Variants in PPP2R2B observed in about 807,000 individuals in gnomAD.
PPP2R2B encodes protein phosphatase 2 regulatory subunit Bbeta.
Under a neutral mutation model 46.0 loss-of-function variants are expected in PPP2R2B, and 5 were observed. The ratio of observed to expected loss-of-function variants is 0.11; its 90% CI spans 0.06 to 0.23. PPP2R2B has a LOEUF of 0.23. PPP2R2B is among the 10% of genes least tolerant of loss of function. The pLI, the probability that PPP2R2B is intolerant of heterozygous loss-of-function variation, is 1.00. For missense variants in PPP2R2B, 367 were observed against 575.0 expected, an observed-to-expected ratio of 0.64 and a Z score of 3.70; for synonymous variants, 215 against 206.7, an observed-to-expected ratio of 1.04 and a Z score of -0.34.
At chr5:146,915,549 A>C (rs1341901619) in intron 1 of PPP2R2B, among the ~76,000 whole-genome samples, 1 of 152,120 alleles carries the variant, frequency 6.6e-6, no homozygotes, top group Non-Finnish European at 1.5e-5. Context: ...GTGAAATTTT[A>C]GCACTCCAGG....
In PPP2R2B at chr5:146,589,833, T is replaced by C; in HGVS notation, c.*114A>G. 1 of 1,114,770 alleles carries C rather than the reference T, an allele frequency of 9.0e-7. No homozygotes were observed. Among genetic ancestry groups the C allele is most frequent in the Non-Finnish European group, 1.3e-6 (1 of 775,164 alleles). 69.1% of individuals were successfully genotyped at this position (1,114,770 alleles called of 1,614,324 possible). A position where few individuals can be genotyped will look rare whatever the true frequency, so the allele number is the denominator to read the frequency against. On this transcript the variant is annotated 3_prime_UTR_variant, in exon 10 of 10. Transcript: ENST00000394411. ...ACTCCTTTTAATTCTATTCCAATCA[T>C]TTCCTGTATAGGGAAATTAAAGTCA... is the stretch of plus-strand genomic sequence containing the variant.
At chr5:146,634,850 A>C (rs1297484533) in intron 7 of PPP2R2B, among the ~76,000 whole-genome samples, 1 of 152,144 alleles carries the variant, frequency 6.6e-6, no homozygotes, top group African/African-American at 2.4e-5. Context: ...GGAGGAAACC[A>C]GGTCTGTTTT....
chr5:146,748,788 C>T (rs1486936990), intron 2 of PPP2R2B, among the ~76,000 whole-genome samples: 2 of 152,182 alleles, frequency 1.3e-5, no homozygotes, highest in Non-Finnish European at 2.9e-5. Flanking sequence ...CATCTAAGAA[C>T]ATCTGGGTTG....
At chr5:146,711,238 T>G (rs1780199570) in intron 2 of PPP2R2B, among the ~76,000 whole-genome samples, 2 of 152,104 alleles carry the variant, frequency 1.3e-5, no homozygotes, top group Admixed American at 6.6e-5. Context: ...TCAATCTTTT[T>G]TTTTCTATGC....
intron 7 of PPP2R2B, among the ~76,000 whole-genome samples, chr5:146,608,690 G>T (rs2151032230): frequency 6.6e-6 from 1 of 152,172 alleles, no homozygotes; most frequent in Non-Finnish European, 1.5e-5. Context: ...AGCTACCTGG[G>T]AGAAGAATCG....
chr5:146,812,376 T>C (rs1757603391), intron 2 of PPP2R2B, among the ~76,000 whole-genome samples: 1 of 146,640 alleles, frequency 6.8e-6, no homozygotes, highest in Non-Finnish European at 1.5e-5. Flanking sequence ...TATCTGTTTG[T>C]TTATGTTTGG....
At chr5:146,637,173 C>T (rs187700191) in intron 7 of PPP2R2B, among the ~76,000 whole-genome samples, 68 of 152,224 alleles carry the variant, frequency 4.5e-4, no homozygotes, top group Middle Eastern at 3.4e-3. Context: ...TCCATTGTAC[C>T]CCTCAGAGTT....
intron 1 of PPP2R2B, among the ~76,000 whole-genome samples, chr5:146,911,054 T>C (rs1763159889): frequency 6.6e-6 from 1 of 151,402 alleles, no homozygotes; most frequent in East Asian, 1.9e-4. Context: ...ATCATTTCCT[T>C]AGGGCCCAGA....
intron 1 of PPP2R2B, among the ~76,000 whole-genome samples, chr5:146,913,552 G>GTTT (rs547643494): frequency 6.7e-6 from 1 of 149,388 alleles, no homozygotes; most frequent in Admixed American, 6.7e-5. Context: ...CATTTTCAAT[G>GTTT]TTTTTTTTTT....
intron 2 of PPP2R2B, among the ~76,000 whole-genome samples, chr5:146,769,250 C>T (rs998053456): frequency 1.3e-5 from 2 of 152,140 alleles, no homozygotes; most frequent in Admixed American, 6.5e-5. Flanking sequence ...AAATGTGGTC[C>T]TGAAACCAAC....
intron 1 of PPP2R2B, among the ~76,000 whole-genome samples, chr5:146,904,844 G>A (rs1582396533): frequency 6.6e-6 from 1 of 152,092 alleles, no homozygotes; most frequent in Non-Finnish European, 1.5e-5. Context: ...ATTAACATGA[G>A]GAACCAGATA....
At chr5:147,000,004 G>T (rs1754090733) in intron 1 of PPP2R2B, among the ~76,000 whole-genome samples, 1 of 152,054 alleles carries the variant, frequency 6.6e-6, no homozygotes, top group South Asian at 2.1e-4. Context: ...CTGAATACCT[G>T]CATTCCAAAA....
intron 1 of PPP2R2B, among the ~76,000 whole-genome samples, chr5:146,905,624 T>C (rs1056065216): frequency 5.9e-5 from 9 of 152,302 alleles, no homozygotes; most frequent in Admixed American, 2.0e-4. Context: ...AACTAGTGAA[T>C]GGTATAGTAC....
chr5:147,066,944 T>C (rs1757431041), intron 2 of PPP2R2B, among the ~76,000 whole-genome samples: 1 of 152,124 alleles, frequency 6.6e-6, no homozygotes, highest in Non-Finnish European at 1.5e-5. Context: ...GCTACTGTCT[T>C]TCCTCCTTTA....
chr5:146,590,989 C>T (rs1038061694), intron 9 of PPP2R2B, among the ~76,000 whole-genome samples: 7 of 150,652 alleles, frequency 4.6e-5, no homozygotes, highest in Non-Finnish European at 8.8e-5. Context: ...TAGCTGCAAT[C>T]GATCAGGAGA....
At chr5:146,826,097 T>A (rs1479469137) in intron 2 of PPP2R2B, among the ~76,000 whole-genome samples, 1 of 152,190 alleles carries the variant, frequency 6.6e-6, no homozygotes, top group East Asian at 1.9e-4. Flanking sequence ...GTCTCAGTCA[T>A]CTCTAGGCTC....
chr5:146,972,501 C>G (rs1257611072), intron 1 of PPP2R2B, among the ~76,000 whole-genome samples: 1 of 152,108 alleles, frequency 6.6e-6, no homozygotes, highest in South Asian at 2.1e-4. Context: ...CACCTGAGGT[C>G]AGGAGTTCGA....
intron 1 of PPP2R2B, among the ~76,000 whole-genome samples, chr5:146,939,111 C>A (rs780339167): frequency 3.8e-4 from 58 of 152,146 alleles, no homozygotes; most frequent in Non-Finnish European, 7.9e-4. Flanking sequence ...ATGAAGTAGG[C>A]TCCTGAATCT....
intron 2 of PPP2R2B, among the ~76,000 whole-genome samples, chr5:146,771,752 A>G (rs555696813): frequency 6.6e-6 from 1 of 152,344 alleles, no homozygotes; most frequent in South Asian, 2.1e-4. Flanking sequence ...GTATATAGCT[A>G]ATCTGTGTTT....
Sources: allele counts gnomAD v4.1 joint callset (sites outside exome capture counted in the v4.1 genomes callset), GRCh38; gene constraint gnomAD v4.1.1; transcripts MANE v1.5; gene names NCBI Gene and HGNC (gene_info 2026-07-23, HGNC 2026-07-21).